The following ZNF469 variants were observed in gnomAD, a reference collection of about 807,000 sequenced individuals.
ZNF469 encodes zinc finger protein 469.
In ZNF469, 1 loss-of-function variant was observed where a neutral mutation model predicts 1.0. That is an observed-to-expected ratio of 1.00 (90% CI 0.35 to 4.73). ZNF469 has a LOEUF of 4.73. ZNF469 is among the 30% of genes most tolerant of loss of function. The pLI is 0.16. For synonymous variants in ZNF469, 2,703 were observed against 2,363.4 expected, an observed-to-expected ratio of 1.14 and a Z score of -4.17; for missense variants, 6,100 against 5,356.3, an observed-to-expected ratio of 1.14 and a Z score of -4.33.
chr16:88,354,928 A>G, the ZNF469 span, among the ~76,000 whole-genome samples: 2 of 152,188 alleles, frequency 1.3e-5, no homozygotes, highest in Admixed American at 1.3e-4. Context: ...CAGGGTCTCC[A>G]GTGGGGGCAG....
At position 88,431,462 on chromosome 16, in the gene ZNF469, T is replaced by C. The variant is rs764653097; in HGVS notation, c.3992T>C (p.Val1331Ala). Residue 1331 changes from valine (V) to alanine (A), a missense_variant, in exon 3 of 3, where the codon GTG (valine) becomes GCG (alanine). By Grantham distance (64) the Val-to-Ala change is moderately conservative. Coordinates refer to ENST00000565624, the MANE Select transcript of ZNF469 (RefSeq NM_001367624.2). The part of the protein sequence containing the change: ...ARQPGEFLAP[V>A]ANPSSTACPK... Reference sequence around the variant, plus strand: ...CAGCCTGGAGAATTTCTGGCACCCGTGGCTAACCCCTCAAGTACCGCCTGC... The same window carrying C: ...CAGCCTGGAGAATTTCTGGCACCCGCGGCTAACCCCTCAAGTACCGCCTGC... 2.8e-5 allele frequency: 44 copies of C among 1,550,264 alleles called. No homozygotes were observed. The highest frequency in any genetic ancestry group is 3.7e-5 in the Non-Finnish European group (43 of 1,146,986).
In ZNF469 at chr16:88,430,199, C is replaced by G. The variant is rs770131798; in HGVS notation, c.2729C>G (p.Thr910Ser). The stretch of plus-strand genomic sequence containing the variant: ...CCAGCAGCCACGCCGGACCCCCAAA[C>G]CCCCCGCCCTGGGGACAGGGGCTGC... ...PLPAATPDPQ[T>S]PRPGDRGCPA... Residue 910 changes from threonine to serine, a missense_variant, in exon 3 of 3, where the codon ACC becomes AGC. Transcript: ENST00000565624. 4.7e-5 allele frequency: 73 copies of G among 1,545,826 alleles called. No homozygotes were observed. Among genetic ancestry groups the G allele is most frequent in the Non-Finnish European group, 6.1e-5 (70 of 1,144,502 alleles).
At chr16:88,390,749 A>G (rs551195362) in intron 1 of ZNF469, among the ~76,000 whole-genome samples, 29 of 152,330 alleles carry the variant, frequency 1.9e-4, no homozygotes, top group African/African-American at 6.3e-4. Flanking sequence ...CCCTGGGGGA[A>G]GGCGTCTCTG....
chr16:88,189,357 G>C, the ZNF469 span, among the ~76,000 whole-genome samples: 2 of 151,944 alleles, frequency 1.3e-5, no homozygotes, highest in African/African-American at 4.8e-5. This position sits in a 1 kb window ranked among gnomAD's most constrained non-coding sequence, Gnocchi z 4.3. Context: ...CTTCCCAACC[G>C]GGGTCTCTGA....
the ZNF469 span, among the ~76,000 whole-genome samples, chr16:88,324,395 A>T: frequency 6.6e-6 from 1 of 152,182 alleles, no homozygotes; most frequent in East Asian, 1.9e-4. Context: ...GCCGTCTGGG[A>T]TGTTGACCTC....
At chr16:88,249,582 G>A in the ZNF469 span, among the ~76,000 whole-genome samples, 5 of 151,766 alleles carry the variant, frequency 3.3e-5, no homozygotes, top group Non-Finnish European at 5.9e-5. Flanking sequence ...GACTACAGGT[G>A]CCTGCCACCA....
At chr16:88,112,250 C>T in the ZNF469 span, among the ~76,000 whole-genome samples, 1 of 152,182 alleles carries the variant, frequency 6.6e-6, no homozygotes, top group Non-Finnish European at 1.5e-5. Flanking sequence ...AAACACAGGA[C>T]TGCAGACATC....
the ZNF469 span, among the ~76,000 whole-genome samples, chr16:88,317,486 A>G: frequency 6.6e-6 from 1 of 152,188 alleles, no homozygotes; most frequent in Admixed American, 6.5e-5. Context: ...AAACAGAGGT[A>G]GGGCCACGGG....
At chr16:88,284,307 T>C in the ZNF469 span, among the ~76,000 whole-genome samples, 1 of 152,206 alleles carries the variant, frequency 6.6e-6, no homozygotes, top group East Asian at 1.9e-4. Flanking sequence ...GACGCCAGGC[T>C]GGGCACAATG....
chr16:88,230,025 C>T, the ZNF469 span, among the ~76,000 whole-genome samples: 1 of 152,198 alleles, frequency 6.6e-6, no homozygotes, highest in East Asian at 1.9e-4. Flanking sequence ...GGTCCTCATC[C>T]ACTCTCCATC....
the ZNF469 span, among the ~76,000 whole-genome samples, chr16:88,265,444 A>C: frequency 6.6e-6 from 1 of 152,124 alleles, no homozygotes; most frequent in African/African-American, 2.4e-5. Context: ...CCAGTGAGTC[A>C]TGAGGGCTGC....
chr16:88,380,182 AATGCACTCACACACAGAC>A (rs1405269640), upstream of ZNF469, among the ~76,000 whole-genome samples: 1 of 97,266 alleles, frequency 1.0e-5, no homozygotes, highest in Non-Finnish European at 2.2e-5. Context: ...CTCACACACA[AATGCACTCACACACAGAC>A]ATGCACTCAC....
At position 88,437,388 on chromosome 16, in the gene ZNF469, G is replaced by A. The variant is rs1008527622; in HGVS notation, c.9918G>A (p.Arg3306=). ...LADAGSPGPP[R]TTPSPSPDPW... is the part of the protein sequence containing the mutation. ...ACGCCGGCAGCCCGGGCCCCCCCAG[G>A]ACGACCCCCAGCCCGTCCCCCGACC... The change falls in exon 3 of 3, where the codon AGG becomes AGA. Residue 3306 remains arginine (R), a synonymous_variant. Transcript: ENST00000565624. 6.0e-5 allele frequency: 92 copies of A among 1,536,096 alleles called. No homozygotes were observed. The highest frequency in any genetic ancestry group is 7.4e-5 in the Non-Finnish European group (84 of 1,140,532).
At chr16:88,208,421 C>T in the ZNF469 span, among the ~76,000 whole-genome samples, 2 of 133,228 alleles carry the variant, frequency 1.5e-5, no homozygotes, top group Admixed American at 7.9e-5. Flanking sequence ...TGGGGTGCCT[C>T]GGTGTCCAGG....
At chr16:88,238,104 G>A in the ZNF469 span, among the ~76,000 whole-genome samples, 1 of 152,336 alleles carries the variant, frequency 6.6e-6, no homozygotes, top group Non-Finnish European at 1.5e-5. Context: ...TGGAGATGAT[G>A]AAATCCACCC....
Position 88,437,803 on chromosome 16 carries a change from C to G in ZNF469, c.10333C>G (p.Arg3445Gly). Reference sequence around the variant, plus strand: ...CATGAACAAGCACCTCAGGGGGGGGCGGCAGCCCTTCGCGTTCCGCGGCGT... The same window carrying G: ...CATGAACAAGCACCTCAGGGGGGGGGGGCAGCCCTTCGCGTTCCGCGGCGT... The part of the protein sequence containing the change: ...RHMNKHLRGG[R>G]QPFAFRGVRR... Residue 3445 changes from arginine to glycine, a missense_variant, in exon 3 of 3, where the codon CGG becomes GGG. By Grantham distance (125) the Arg-to-Gly change is moderately radical. Transcript: ENST00000565624. 3 of 1,544,894 alleles carry G rather than the reference C, an allele frequency of 1.9e-6. No individual in the cohort carries two copies. Among genetic ancestry groups the G allele is most frequent in the Non-Finnish European group, 1.7e-6 (2 of 1,142,920 alleles).
chr16:88,144,234 C>A, the ZNF469 span, among the ~76,000 whole-genome samples: 4 of 152,232 alleles, frequency 2.6e-5, no homozygotes, highest in South Asian at 6.2e-4. Flanking sequence ...GGGCGTCTCT[C>A]TGGTCCCGGC....
chr16:88,242,154 G>A, the ZNF469 span, among the ~76,000 whole-genome samples: 3 of 152,170 alleles, frequency 2.0e-5, no homozygotes, highest in Admixed American at 6.5e-5. Context: ...CGAGCCCAGC[G>A]CTCTGCAACC....
the ZNF469 span, among the ~76,000 whole-genome samples, chr16:88,200,138 G>A: frequency 1.3e-5 from 2 of 152,180 alleles, no homozygotes; most frequent in South Asian, 2.1e-4. Flanking sequence ...AAGAGAACAC[G>A]GCAGTGGGGT....
Sources: allele counts gnomAD v4.1 joint callset (sites outside exome capture counted in the v4.1 genomes callset), GRCh38; gene constraint gnomAD v4.1.1; non-coding constraint Gnocchi (gnomAD v3.1); transcripts MANE v1.5; gene names NCBI Gene and HGNC (gene_info 2026-07-23, HGNC 2026-07-21).